ZFPM2: variants seen among roughly 807,000 people sequenced by gnomAD.
The protein encoded by ZFPM2 is zinc finger protein ZFPM2.
Under a neutral mutation model 98.6 loss-of-function variants are expected in ZFPM2, and 20 were observed. The observed-to-expected ratio is 0.20, with a 90% CI of 0.14 to 0.29. The LOEUF is 0.29. ZFPM2 is among the 10% of genes least tolerant of loss of function. The probability of loss-of-function intolerance (pLI) is 1.00; values close to 1 mark genes in which losing one functional copy is unlikely to be tolerated. For missense variants in ZFPM2, 1,310 were observed against 1,388.6 expected, an observed-to-expected ratio of 0.94 and a Z score of 0.90; for synonymous variants, 518 against 502.7, an observed-to-expected ratio of 1.03 and a Z score of -0.41.
chr8:105,692,527 A>T (rs1810910924), intron 5 of ZFPM2, among the ~76,000 whole-genome samples: 1 of 152,094 alleles, frequency 6.6e-6, no homozygotes, highest in South Asian at 2.1e-4. Context: ...GTTCATAAGT[A>T]TGTAATTCAA....
At chr8:105,645,211 A>G (rs1817020598) in intron 5 of ZFPM2, among the ~76,000 whole-genome samples, 1 of 152,196 alleles carries the variant, frequency 6.6e-6, no homozygotes, top group Non-Finnish European at 1.5e-5. Context: ...GTCTTACAAT[A>G]TTCTTCTTGA....
intron 1 of ZFPM2, among the ~76,000 whole-genome samples, chr8:105,331,800 T>C (rs1336011761): frequency 6.6e-6 from 1 of 151,816 alleles, no homozygotes; most frequent in Non-Finnish European, 1.5e-5. Flanking sequence ...ATCTATATGA[T>C]CACTTATTAC....
intron 4 of ZFPM2, among the ~76,000 whole-genome samples, chr8:105,565,085 G>C (rs1586466558): frequency 6.6e-6 from 1 of 152,110 alleles, no homozygotes; most frequent in East Asian, 1.9e-4. Context: ...GGGAGATTCA[G>C]CTCACTAATT....
At chr8:105,503,564 C>T (rs1301910514) in intron 3 of ZFPM2, among the ~76,000 whole-genome samples, 1 of 152,150 alleles carries the variant, frequency 6.6e-6, no homozygotes, top group African/African-American at 2.4e-5. Flanking sequence ...GCATTGGGAA[C>T]AGACTCCAAA....
chr8:105,716,095 C>A (rs1811517163), intron 5 of ZFPM2, among the ~76,000 whole-genome samples: 1 of 151,060 alleles, frequency 6.6e-6, no homozygotes, highest in Non-Finnish European at 1.5e-5. Context: ...ATTTGACTTC[C>A]TAAAGTATTA....
At chr8:105,771,351 G>T (rs1028314346) in intron 5 of ZFPM2, among the ~76,000 whole-genome samples, 10 of 151,958 alleles carry the variant, frequency 6.6e-5, no homozygotes, top group African/African-American at 2.4e-4. Context: ...CAAATAACAG[G>T]AATCTGTGAA....
chr8:105,570,830 C>T (rs539454324), intron 4 of ZFPM2, among the ~76,000 whole-genome samples: 1 of 152,232 alleles, frequency 6.6e-6, no homozygotes, highest in African/African-American at 2.4e-5. Context: ...AATTTTAATA[C>T]ATTTTGGCCT....
At chr8:105,356,300 GA>G (rs2129735898) in intron 1 of ZFPM2, among the ~76,000 whole-genome samples, 1 of 152,274 alleles carries the variant, frequency 6.6e-6, no homozygotes, top group South Asian at 2.1e-4. Context: ...GGTGCTTGGG[GA>G]AGTTGTCAGC....
chr8:105,524,162 T>C (rs1814121676), intron 3 of ZFPM2, among the ~76,000 whole-genome samples: 1 of 152,170 alleles, frequency 6.6e-6, no homozygotes, highest in South Asian at 2.1e-4. Context: ...TGGGGAGATA[T>C]AACTATGTTA....
At chr8:105,507,311 A>G (rs779016890) in intron 3 of ZFPM2, among the ~76,000 whole-genome samples, 1 of 152,194 alleles carries the variant, frequency 6.6e-6, no homozygotes, top group Non-Finnish European at 1.5e-5. Flanking sequence ...ACTTGTGTCT[A>G]TCATTTAACA....
chr8:105,549,228 A>G (rs977995473), intron 3 of ZFPM2, among the ~76,000 whole-genome samples: 1 of 152,152 alleles, frequency 6.6e-6, no homozygotes, highest in African/African-American at 2.4e-5. Context: ...AGTGAGAGAA[A>G]GGAGAGGAGA....
chr8:105,754,569 A>G (rs1812550660), intron 5 of ZFPM2, among the ~76,000 whole-genome samples: 1 of 152,138 alleles, frequency 6.6e-6, no homozygotes, highest in Non-Finnish European at 1.5e-5. Context: ...CCTGATCTCA[A>G]GATGAATATT....
At position 105,664,592 on chromosome 8, in the gene ZFPM2, C is replaced by T. The variant is rs1050556980; in HGVS notation, c.532+30235C>T. Among the ~76,000 whole-genome samples, 4 of 152,150 alleles carry T rather than the reference C, an allele frequency of 2.6e-5. No individual in the cohort carries two copies. The East Asian group carries it at 5.8e-4, about 22-fold the overall frequency. On this transcript the variant is annotated intron_variant, in intron 5 of 7. Transcript: ENST00000407775. ...CAGGTGATCCGCCTGCCTTGGCCTC[C>T]CAAAGTGCTTGGGATTATAGGCAAG...
intron 5 of ZFPM2, among the ~76,000 whole-genome samples, chr8:105,697,038 T>G (rs1811033291): frequency 6.6e-6 from 1 of 152,328 alleles, no homozygotes; most frequent in African/African-American, 2.4e-5. Flanking sequence ...TTTTAAATCT[T>G]AAATTCTCTA....
chr8:105,402,008 T>A (rs73300200), intron 1 of ZFPM2, among the ~76,000 whole-genome samples: 1 of 152,106 alleles, frequency 6.6e-6, no homozygotes, highest in African/African-American at 2.4e-5. Context: ...TATATCCTTA[T>A]TTTTTGTTTC....
At chr8:105,788,110 C>G (rs374583355) in intron 5 of ZFPM2, among the ~76,000 whole-genome samples, 2 of 152,022 alleles carry the variant, frequency 1.3e-5, no homozygotes, top group African/African-American at 4.8e-5. Flanking sequence ...CTACATTATA[C>G]GGAATATTAT....
intron 3 of ZFPM2, among the ~76,000 whole-genome samples, chr8:105,491,302 A>C (rs1813351599): frequency 6.6e-6 from 1 of 152,114 alleles, no homozygotes; most frequent in South Asian, 2.1e-4. Flanking sequence ...AAGCACAATA[A>C]TAATAATAAT....
intron 1 of ZFPM2, among the ~76,000 whole-genome samples, chr8:105,389,050 GTGTGTGTGTA>G: frequency 6.7e-6 from 1 of 149,580 alleles, no homozygotes; most frequent in African/African-American, 2.4e-5. Flanking sequence ...GTGTGTGTGT[GTGTGTGTGTA>G]GGCATGAGGG....
At chr8:105,651,757 A>T (rs546861740) in intron 5 of ZFPM2, among the ~76,000 whole-genome samples, 1 of 152,246 alleles carries the variant, frequency 6.6e-6, no homozygotes, top group South Asian at 2.1e-4. Context: ...CACCCACTGA[A>T]TTTTGAATTA....
Sources: allele counts gnomAD v4.1 joint callset (sites outside exome capture counted in the v4.1 genomes callset), GRCh38; gene constraint gnomAD v4.1.1; transcripts MANE v1.5; gene names NCBI Gene and HGNC (gene_info 2026-07-23, HGNC 2026-07-21).